Variants in DNM3 observed in about 807,000 individuals in gnomAD.
DNM3 encodes the protein dynamin 3.
A neutral mutation model predicts 101.6 loss-of-function variants in DNM3; 47 were observed. The ratio of observed to expected loss-of-function variants is 0.46; its 90% CI spans 0.37 to 0.59. The LOEUF (loss-of-function observed/expected upper bound fraction) is 0.59. Among genes scored for constraint, DNM3 ranks in the 20% least tolerant of loss-of-function variants. DNM3 has a pLI of 0.00. For missense variants in DNM3, 849 were observed against 1,085.7 expected (o/e 0.78, Z 3.06); for synonymous variants, 385 against 387.9 (o/e 0.99, Z 0.09).
chr1:172,329,249 A>G (rs1401939615), intron 17 of DNM3, among the ~76,000 whole-genome samples: 2 of 152,146 alleles, frequency 1.3e-5, no homozygotes, highest in East Asian at 1.9e-4. Context: ...ATATATGTGC[A>G]TATTTAAAGG....
chr1:172,289,454 C>A, intron 15 of DNM3: 1 of 471,218 alleles, frequency 2.1e-6, no homozygotes, highest in Non-Finnish European at 2.6e-6. Context: ...AACTATATGT[C>A]GTCTCATTTC....
At chr1:172,258,219 A>G (rs369283669) in intron 15 of DNM3, among the ~76,000 whole-genome samples, 36 of 152,176 alleles carry the variant, frequency 2.4e-4, no homozygotes, top group African/African-American at 8.7e-4. Flanking sequence ...TATCTTTGCT[A>G]TTGTAAATAG....
intron 20 of DNM3, among the ~76,000 whole-genome samples, chr1:172,400,671 G>A (rs1041911945): frequency 2.0e-5 from 3 of 151,964 alleles, no homozygotes; most frequent in Non-Finnish European, 4.4e-5. Context: ...AGTTAATCTC[G>A]GAAAGTAATG....
intron 2 of DNM3, among the ~76,000 whole-genome samples, chr1:171,961,825 G>C (rs2043230517): frequency 6.6e-6 from 1 of 152,156 alleles, no homozygotes; most frequent in Non-Finnish European, 1.5e-5. Context: ...AAAACATTAT[G>C]CTAAGTAAAA....
At chr1:172,378,366 A>G (rs1269120648) in intron 17 of DNM3, 1 of 152,182 alleles carries the variant, frequency 6.6e-6, no homozygotes, top group Non-Finnish European at 1.5e-5. Flanking sequence ...GTTCTGTTTT[A>G]TTCAAAGAAT....
intron 2 of DNM3, chr1:171,987,283 G>A: frequency 1.0e-6 from 1 of 984,960 alleles, no homozygotes; most frequent in Non-Finnish European, 1.2e-6. Flanking sequence ...TGATACTGAA[G>A]AGGGGAATGC....
rs1056153399 is a variant in DNM3 at position 172,357,815 on chromosome 1, G to T, written c.1894-21203G>T. On this transcript the variant is annotated intron_variant, in intron 17 of 20. Transcript: ENST00000627582. ...GATGAAAATTATTTTACAAATCAAA[G>T]ATAGTGTTAATGATAGCTTCCTTAG... is the stretch of plus-strand genomic sequence containing the variant. Among the ~76,000 whole-genome samples the T allele has an allele frequency of 3.3e-5, 5 of 152,182 alleles. No individual in the cohort carries two copies. The South Asian group carries it at 8.3e-4, about 25-fold the overall frequency.
Position 172,081,921 on chromosome 1 carries a change from G to A in DNM3, c.1493+19G>A. ...TCGCAAAGTACGTGAAACACTTGATGGCCACATGCATTCCTCCTGTTGATT... is the reference window on the plus strand; with the variant it reads ...TCGCAAAGTACGTGAAACACTTGATAGCCACATGCATTCCTCCTGTTGATT... On this transcript the variant is annotated intron_variant, in intron 12 of 20. Coordinates refer to ENST00000627582, the MANE Select transcript of DNM3 (RefSeq NM_015569.5). 2 of 1,609,252 alleles carry A rather than the reference G, an allele frequency of 1.2e-6. No individual in the cohort carries two copies. Among genetic ancestry groups the A allele is most frequent in the Non-Finnish European group, 1.7e-6 (2 of 1,177,016 alleles).
intron 17 of DNM3, among the ~76,000 whole-genome samples, chr1:172,331,607 G>A (rs2066187674): frequency 6.6e-6 from 1 of 152,130 alleles, no homozygotes; most frequent in African/African-American, 2.4e-5. Context: ...AGTGAAACAA[G>A]AGCAGAAAGG....
intron 20 of DNM3, among the ~76,000 whole-genome samples, chr1:172,390,906 G>A (rs1234914840): frequency 6.6e-6 from 1 of 152,200 alleles, no homozygotes; most frequent in Non-Finnish European, 1.5e-5. Flanking sequence ...TGCATGTTCT[G>A]CCTGCTTGCT....
chr1:172,262,827 T>A (rs932007246), intron 15 of DNM3, among the ~76,000 whole-genome samples: 1 of 152,208 alleles, frequency 6.6e-6, no homozygotes, highest in Non-Finnish European at 1.5e-5. Context: ...TTTTAGTCTG[T>A]CTTTTCTCTG....
At chr1:171,851,755 G>A (rs2124998944) in intron 1 of DNM3, among the ~76,000 whole-genome samples, 1 of 152,294 alleles carries the variant, frequency 6.6e-6, no homozygotes, top group Middle Eastern at 3.4e-3. Flanking sequence ...CCTAATAGTG[G>A]GCCATGATAT....
Position 172,407,848 on chromosome 1 carries a change from T to C in DNM3, c.*7T>C, listed in dbSNP as rs1328020255. The C allele has an allele frequency of 6.2e-7, 1 of 1,613,062 alleles. No individual in the cohort carries two copies. The highest frequency in any genetic ancestry group is 1.1e-5 in the South Asian group (1 of 91,044). On this transcript the variant is annotated 3_prime_UTR_variant, in exon 21 of 21. Transcript: ENST00000627582. ...ATCCTCCCTGTTAGACTAAACGAAGTGTCTGGCATGGCAATTAATCACTAA... is the reference window on the plus strand; with the variant it reads ...ATCCTCCCTGTTAGACTAAACGAAGCGTCTGGCATGGCAATTAATCACTAA...
intron 14 of DNM3, chr1:172,140,293 C>T (rs1273001131): frequency 1.3e-5 from 2 of 151,728 alleles, no homozygotes; most frequent in African/African-American, 2.4e-5. Context: ...GATTCTGTTT[C>T]GGCCATCACT....
rs55775823 is a variant in DNM3 at position 172,194,516 on chromosome 1, A to T, written c.1660-59057A>T. ...GTCTAAGTCTCTTTTTAGGTCTCTAAGGACTTGCTTTATGAATCTGGGTGC... is the reference window on the plus strand; with the variant it reads ...GTCTAAGTCTCTTTTTAGGTCTCTATGGACTTGCTTTATGAATCTGGGTGC... On this transcript the variant is annotated intron_variant, in intron 14 of 20. Coordinates refer to ENST00000627582, the MANE Select transcript of DNM3 (RefSeq NM_015569.5). 6.6e-3 allele frequency among the ~76,000 whole-genome samples: 1,007 copies of T among 152,164 alleles called. 13 individuals are homozygous for T. The highest frequency in any genetic ancestry group is 0.023 in the African/African-American group (944 of 41,532).
chr1:171,971,699 G>A (rs796557811), intron 2 of DNM3, among the ~76,000 whole-genome samples: 4 of 152,082 alleles, frequency 2.6e-5, no homozygotes, highest in South Asian at 2.1e-4. Flanking sequence ...GTAATTGAAG[G>A]CTTGCTAAAA....
At chr1:172,304,292 G>A (rs900378702) in intron 15 of DNM3, among the ~76,000 whole-genome samples, 1 of 145,560 alleles carries the variant, frequency 6.9e-6, no homozygotes, top group African/African-American at 2.6e-5. Context: ...GACAAAGAAG[G>A]CCATTACATA....
intron 11 of DNM3, 76 bp downstream of exon 11, chr1:172,068,981 C>G: frequency 3.9e-6 from 5 of 1,282,074 alleles, no homozygotes; most frequent in Non-Finnish European, 5.5e-6. Flanking sequence ...CTGGTAGTTC[C>G]CAACAGTCAG....
At chr1:172,115,031 A>G (rs1311127277) in intron 13 of DNM3, among the ~76,000 whole-genome samples, 2 of 152,210 alleles carry the variant, frequency 1.3e-5, no homozygotes, top group African/African-American at 4.8e-5. Flanking sequence ...CATCTTCTCA[A>G]GAGAATATAC....
Sources: gnomAD v4.1 joint callset for allele counts (sites outside exome capture counted in the v4.1 genomes callset) on GRCh38, gnomAD v4.1.1 for gene constraint, MANE v1.5 for transcripts, NCBI Gene and HGNC (gene_info 2026-07-23, HGNC 2026-07-21) for gene names.